The following ATR variants were observed in gnomAD, a reference collection of about 807,000 sequenced individuals.
ATR encodes the protein serine/threonine-protein kinase ATR.
Under a neutral mutation model 305.3 loss-of-function variants are expected in ATR, and 142 were observed. The observed-to-expected ratio is 0.47, with a 90% CI of 0.41 to 0.53. The LOEUF is 0.53. Among genes scored for constraint, ATR ranks in the 20% least tolerant of loss-of-function variants. The pLI, the probability that ATR is intolerant of heterozygous loss-of-function variation, is 0.00. For synonymous variants in ATR, 1,050 were observed against 1,068.1 expected, an observed-to-expected ratio of 0.98 and a Z score of 0.33; for missense variants, 2,135 against 3,133.1, an observed-to-expected ratio of 0.68 and a Z score of 7.60.
At chr3:142,568,007 A>G (rs1325722934) in intron 2 of ATR, 56 bp downstream of exon 2, 4 of 1,349,104 alleles carry the variant, frequency 3.0e-6, no homozygotes, top group Non-Finnish European at 4.1e-6. Flanking sequence ...TAATTTATAC[A>G]TGGAAAAGAA....
intron 31 of ATR, chr3:142,499,150 A>T: frequency 2.6e-6 from 1 of 384,280 alleles, no homozygotes; most frequent in Non-Finnish European, 5.0e-6. Context: ...CAAAACACTG[A>T]GATTACAGGT....
At chr3:142,457,030 A>C (rs1301829234) in intron 45 of ATR, among the ~76,000 whole-genome samples, 1 of 152,244 alleles carries the variant, frequency 6.6e-6, no homozygotes, top group East Asian at 1.9e-4. Flanking sequence ...TTTATAATAC[A>C]CAAAAGGTGG....
intron 36 of ATR, among the ~76,000 whole-genome samples, chr3:142,478,286 T>A (rs2108296233): frequency 1.3e-5 from 2 of 152,350 alleles, no homozygotes; most frequent in Admixed American, 1.3e-4. Context: ...TCTGGTATGT[T>A]GCGTCTTTGT....
chr3:142,499,137 TC>T, intron 31 of ATR: 1 of 380,040 alleles, frequency 2.6e-6, no homozygotes, highest in Non-Finnish European at 5.0e-6. Flanking sequence ...CACCTTGGCC[TC>T]CCAAAACACT....
At chr3:142,521,133 T>A (rs183996276) in intron 23 of ATR, among the ~76,000 whole-genome samples, 14 of 152,154 alleles carry the variant, frequency 9.2e-5, no homozygotes, top group Admixed American at 3.3e-4. Context: ...GTAAAAAAAA[T>A]TTAAAAATAA....
intron 34 of ATR, 36 bp downstream of exon 34, chr3:142,496,325 T>TATATATATAC (rs2031633366): frequency 2.8e-6 from 1 of 355,236 alleles, no homozygotes; most frequent in African/African-American, 3.0e-5. Context: ...TATATATATA[T>TATATATATAC]ATATATATAT....
At chr3:142,450,829 T>G in intron 46 of ATR, 1 of 1,374,618 alleles carries the variant, frequency 7.3e-7, no homozygotes, top group Non-Finnish European at 9.5e-7. Flanking sequence ...AGACAGAGCT[T>G]CCGTTCAGTT....
At chr3:142,449,632 A>G in intron 46 of ATR, 30 bp from the exon 47 acceptor site, 1 of 1,605,450 alleles carries the variant, frequency 6.2e-7, no homozygotes, top group Non-Finnish European at 8.5e-7. Flanking sequence ...AACCAAAAAC[A>G]GATGTTAATA....
Position 142,497,191 on chromosome 3 carries a change from A to C in ATR, c.5560T>G (p.Leu1854Val). ...TGCTCCAACTCACATAACATGTGCA[A>C]TCTGAAGATAGATAGAGCCTATGTT... The part of the protein sequence containing the change: ...YQRGYEYIVR[L>V]HMLCELEHSI... Residue 1854 changes from leucine (L) to valine (V), a missense_variant and splice_region_variant, in exon 33 of 47, where the codon TTG (leucine) becomes GTG (valine). Leu to Val is a conservative substitution (Grantham distance 32). Around this residue, in one of 9 missense-constraint regions of ATR, gnomAD observed 117 missense variants for 198.3 expected, o/e 0.59. Transcript: ENST00000350721. 1 of 1,613,846 alleles carries C rather than the reference A, an allele frequency of 6.2e-7. No homozygotes were observed. The highest frequency in any genetic ancestry group is 8.5e-7 in the Non-Finnish European group (1 of 1,179,788).
intron 28 of ATR, among the ~76,000 whole-genome samples, chr3:142,506,098 GAA>G (rs906002961): frequency 3.3e-5 from 5 of 152,112 alleles, no homozygotes; most frequent in African/African-American, 4.8e-5. Flanking sequence ...CAACAGAAAA[GAA>G]AAAGAGAAGT....
chr3:142,544,452 C>CCAAAAAAAAAAAAAAAAA (rs2034185515), intron 16 of ATR, among the ~76,000 whole-genome samples: 1 of 18,962 alleles, frequency 5.3e-5, no homozygotes, highest in Non-Finnish European at 1.0e-4. Context: ...ATCCTGCCTC[C>CCAAAAAAAAAAAAAAAAA]AAAAAAAAAA....
At chr3:142,563,629 G>C (rs1337263341) in intron 3 of ATR, among the ~76,000 whole-genome samples, 2 of 152,124 alleles carry the variant, frequency 1.3e-5, no homozygotes, top group South Asian at 2.1e-4. Context: ...CTGAGACACA[G>C]TATTGAAATT....
chr3:142,521,019 C>T (rs1577623129), intron 23 of ATR, among the ~76,000 whole-genome samples: 1 of 152,242 alleles, frequency 6.6e-6, no homozygotes, highest in East Asian at 1.9e-4. Flanking sequence ...GAAGCCAATG[C>T]TCATTGACGA....
In ATR at chr3:142,553,366, A is replaced by T; in HGVS notation, c.2666T>A (p.Leu889His). Residue 889 changes from leucine to histidine, a missense_variant, in exon 13 of 47, where the codon CTC becomes CAC. By Grantham distance (99) the Leu-to-His change is moderately conservative. Around this residue, in one of 9 missense-constraint regions of ATR, gnomAD observed 530 missense variants for 766.8 expected, o/e 0.69. Transcript: ENST00000350721. ...AAKGDLVPFA[L>H]LHLLHCLLSK... ...TAACAAACAATGCAATAAGTGTAAGAGTGCAAATGGTACCAAATCTCCTTT... is the reference window on the plus strand; with the variant it reads ...TAACAAACAATGCAATAAGTGTAAGTGTGCAAATGGTACCAAATCTCCTTT... The T allele has an allele frequency of 1.2e-6, 2 of 1,614,064 alleles. No homozygotes were observed. Among genetic ancestry groups the T allele is most frequent in the Non-Finnish European group, 1.7e-6 (2 of 1,179,996 alleles).
chr3:142,560,528 A>G (rs2034839299), intron 5 of ATR, 74 bp from the exon 6 acceptor site: 1 of 1,416,130 alleles, frequency 7.1e-7, no homozygotes, highest in Non-Finnish European at 9.8e-7. Flanking sequence ...CATATTTAGA[A>G]TAAAACATAC....
At chr3:142,573,874 T>C (rs558204870) in intron 1 of ATR, among the ~76,000 whole-genome samples, 12 of 152,310 alleles carry the variant, frequency 7.9e-5, no homozygotes, top group Admixed American at 1.3e-4. Flanking sequence ...GCTACCATAG[T>C]ATAGGGCATC....
intron 33 of ATR, 83 bp from the exon 34 acceptor site, chr3:142,496,603 G>A (rs898084513): frequency 8.2e-6 from 12 of 1,460,904 alleles, no homozygotes; most frequent in Middle Eastern, 2.3e-4. Context: ...TTAAATCTAG[G>A]TCATAAACTT....
At chr3:142,528,548 T>TGC (rs2033493236) in intron 21 of ATR, among the ~76,000 whole-genome samples, 1 of 152,070 alleles carries the variant, frequency 6.6e-6, no homozygotes, top group African/African-American at 2.4e-5. Context: ...TCTGGATAAT[T>TGC]TTTGCTTATC....
chr3:142,503,311 A>C, intron 30 of ATR, 51 bp downstream of exon 30: 2 of 1,309,150 alleles, frequency 1.5e-6, no homozygotes, highest in Non-Finnish European at 2.2e-6. Context: ...CTAACTAAAA[A>C]TTCTCCATTC....
Sources: gnomAD v4.1 joint callset for allele counts (sites outside exome capture counted in the v4.1 genomes callset) on GRCh38, gnomAD v4.1.1 for gene constraint, gnomAD v4.1.1 regional missense constraint, MANE v1.5 for transcripts, NCBI Gene and HGNC (gene_info 2026-07-23, HGNC 2026-07-21) for gene names.